The following PDE3B variants were observed in gnomAD, a reference collection of about 807,000 sequenced individuals.
The protein encoded by PDE3B is cGMP-inhibited 3',5'-cyclic phosphodiesterase 3B.
PDE3B carries 66 observed loss-of-function variants against 116.8 expected under a neutral mutation model. The observed-to-expected ratio is 0.56, with a 90% CI of 0.46 to 0.69. PDE3B has a LOEUF of 0.69. PDE3B is among the 30% of genes least tolerant of loss of function. The pLI, the probability that PDE3B is intolerant of heterozygous loss-of-function variation, is 0.00. For synonymous variants in PDE3B, 595 were observed against 533.6 expected, an observed-to-expected ratio of 1.12 and a Z score of -1.59; for missense variants, 1,384 against 1,368.1, an observed-to-expected ratio of 1.01 and a Z score of -0.18.
chr11:14,786,421 C>CTTTTT lies in PDE3B; in HGVS notation c.1030-13_1030-9dup. 1 of 1,601,852 alleles carries CTTTTT rather than the reference C, an allele frequency of 6.2e-7. No individual in the cohort carries two copies. On this transcript the variant is annotated splice_polypyrimidine_tract_variant and intron_variant, in intron 2 of 15. Coordinates refer to ENST00000282096, the MANE Select transcript of PDE3B (RefSeq NM_000922.4). ...CATGTACAAATGAATGAAAATTTCA[C>CTTTTT]TTTTTTTCTTTCTAGAATTCTGGAG...
At chr11:14,730,728 A>G (rs1043421749) in intron 1 of PDE3B, among the ~76,000 whole-genome samples, 3 of 152,220 alleles carry the variant, frequency 2.0e-5, no homozygotes, top group African/African-American at 7.2e-5. Flanking sequence ...TGAAAGATAT[A>G]TCAACATTTC....
At chr11:14,861,574 C>G (rs1350738150) in intron 14 of PDE3B, among the ~76,000 whole-genome samples, 3 of 152,096 alleles carry the variant, frequency 2.0e-5, no homozygotes, top group African/African-American at 7.2e-5. Context: ...AACTTATTCC[C>G]TATCTTGACT....
At chr11:14,648,849 A>T (rs1425875022) in intron 1 of PDE3B, among the ~76,000 whole-genome samples, 1 of 152,000 alleles carries the variant, frequency 6.6e-6, no homozygotes, top group Non-Finnish European at 1.5e-5. Context: ...TGTTATTGAC[A>T]TTGTTGTGGG....
At chr11:14,820,687 G>A (rs991149661) in intron 7 of PDE3B, among the ~76,000 whole-genome samples, 12 of 152,016 alleles carry the variant, frequency 7.9e-5, no homozygotes, top group Admixed American at 6.5e-4. Context: ...TCATGAAGGT[G>A]GATCCTTCAT....
chr11:14,687,630 C>T (rs953290293), intron 1 of PDE3B, among the ~76,000 whole-genome samples: 2 of 152,012 alleles, frequency 1.3e-5, no homozygotes, highest in African/African-American at 4.8e-5. Flanking sequence ...TGGCAAGTTC[C>T]CAGGGGAACT....
the PDE3B span, among the ~76,000 whole-genome samples, chr11:14,877,063 A>G: frequency 6.6e-6 from 1 of 152,184 alleles, no homozygotes; most frequent in Non-Finnish European, 1.5e-5. Flanking sequence ...GGCTGCAACT[A>G]TTCATGAGCC....
chr11:14,820,038 G>A (rs1859470740), intron 7 of PDE3B, among the ~76,000 whole-genome samples: 1 of 152,038 alleles, frequency 6.6e-6, no homozygotes, highest in African/African-American at 2.4e-5. Context: ...AAATAGATAA[G>A]CCTTTTCAGG....
At chr11:14,724,419 A>C (rs1405146168) in intron 1 of PDE3B, among the ~76,000 whole-genome samples, 8 of 152,166 alleles carry the variant, frequency 5.3e-5, no homozygotes, top group Non-Finnish European at 1.2e-4. Flanking sequence ...TACAGGTTGA[A>C]CATCCCTAAT....
chr11:14,676,055 T>C (rs907147728), intron 1 of PDE3B, among the ~76,000 whole-genome samples: 1 of 152,170 alleles, frequency 6.6e-6, no homozygotes, highest in Non-Finnish European at 1.5e-5. Flanking sequence ...GATGTTGCCA[T>C]TCTTTTATTT....
Position 14,644,438 on chromosome 11 carries a change from C to T in PDE3B, c.363C>T (p.Pro121=). Residue 121 remains proline (P), a synonymous_variant, in exon 1 of 16, where the codon CCC becomes CCT. Transcript: ENST00000282096. The part of the protein sequence containing the change: ...LLSVCSHSLS[P]LFSIACAFFF... ...GCGTGTGTTCGCACAGCTTGAGCCC[C>T]CTCTTCAGCATCGCCTGTGCCTTCT... is the stretch of plus-strand genomic sequence containing the variant. 3.1e-6 allele frequency: 5 copies of T among 1,613,002 alleles called. No homozygotes were observed. The highest frequency in any genetic ancestry group is 4.2e-6 in the Non-Finnish European group (5 of 1,179,646).
At chr11:14,893,055 C>A in the PDE3B span, among the ~76,000 whole-genome samples, 967 of 152,234 alleles carry the variant, frequency 6.4e-3, 8 homozygotes, top group Non-Finnish European at 8.1e-3. Flanking sequence ...TAACAGCTGC[C>A]CTCTAATTGT....
the PDE3B span, chr11:14,879,157 A>G: frequency 6.2e-7 from 1 of 1,613,174 alleles, no homozygotes; most frequent in Non-Finnish European, 8.5e-7. Flanking sequence ...CAAAATATCC[A>G]CTGCTGTCCA....
chr11:14,711,732 G>A (rs1855708890), intron 1 of PDE3B, among the ~76,000 whole-genome samples: 1 of 152,142 alleles, frequency 6.6e-6, no homozygotes, highest in African/African-American at 2.4e-5. Context: ...AATTCAACAT[G>A]AGATTTGTAG....
rs1590105366 is a variant in PDE3B at position 14,739,302 on chromosome 11, T to C, written c.979-32635T>C. On this transcript the variant is annotated intron_variant, in intron 1 of 15. Transcript: ENST00000282096. Reference sequence around the variant, plus strand: ...CTTGAGCAGTGGTTTGTAGTTTTCCTTGAAGAGGTCCTTCACATCCCTTGT... The same window carrying C: ...CTTGAGCAGTGGTTTGTAGTTTTCCCTGAAGAGGTCCTTCACATCCCTTGT... Among the ~76,000 whole-genome samples, 5 of 152,360 alleles carry C rather than the reference T, an allele frequency of 3.3e-5. No individual in the cohort carries two copies. In the South Asian group the frequency reaches 1.0e-3, roughly 32 times the overall value.
intron 10 of PDE3B, among the ~76,000 whole-genome samples, chr11:14,833,552 T>C (rs895079294): frequency 7.9e-5 from 12 of 152,194 alleles, no homozygotes; most frequent in Admixed American, 6.5e-4. Flanking sequence ...TTAAAAATGC[T>C]TAAAATTGAT....
chr11:14,856,490 T>C (rs1229892407), intron 12 of PDE3B, among the ~76,000 whole-genome samples: 1 of 152,198 alleles, frequency 6.6e-6, no homozygotes, highest in Non-Finnish European at 1.5e-5. Context: ...ATCTCTCTAC[T>C]GAATTTTTTT....
chr11:14,853,666 G>T (rs1362681541), intron 12 of PDE3B, among the ~76,000 whole-genome samples: 2 of 152,202 alleles, frequency 1.3e-5, no homozygotes, highest in Non-Finnish European at 2.9e-5. Flanking sequence ...AATACCACCA[G>T]CTGGGTCAAG....
At chr11:14,724,050 A>G (rs770527071) in intron 1 of PDE3B, among the ~76,000 whole-genome samples, 9 of 152,222 alleles carry the variant, frequency 5.9e-5, no homozygotes, top group Admixed American at 3.3e-4. Context: ...TAGACATGCC[A>G]TAGTGGCTAT....
At chr11:14,818,085 A>T in intron 5 of PDE3B, 98 bp from the exon 6 acceptor site, 1 of 792,598 alleles carries the variant, frequency 1.3e-6, no homozygotes, top group Non-Finnish European at 2.0e-6. Context: ...GCTTTTTTTA[A>T]ATAAGGAAAA....
Sources: gnomAD v4.1 joint callset for allele counts (sites outside exome capture counted in the v4.1 genomes callset) on GRCh38, gnomAD v4.1.1 for gene constraint, MANE v1.5 for transcripts, NCBI Gene and HGNC (gene_info 2026-07-23, HGNC 2026-07-21) for gene names.